The following THOC5 variants were observed in gnomAD, a reference collection of about 807,000 sequenced individuals.
THOC5 encodes the protein Fms-interacting protein.
A neutral mutation model predicts 92.9 loss-of-function variants in THOC5; 43 were observed. The ratio of observed to expected loss-of-function variants is 0.46; its 90% CI spans 0.36 to 0.60. THOC5 has a LOEUF of 0.60. THOC5 is among the 20% of genes least tolerant of loss of function. The pLI is 0.00. For synonymous variants in THOC5, 296 were observed against 320.1 expected (o/e 0.92, Z 0.80); for missense variants, 659 against 849.4 (o/e 0.78, Z 2.79).
chr22:29,544,531 A>G lies in THOC5; in HGVS notation c.169T>C (p.Tyr57His), dbSNP rs758098447. Residue 57 changes from tyrosine (Y) to histidine (H), a missense_variant, in exon 3 of 20, where the codon TAC becomes CAC. Physicochemically the swap from Tyr to His is moderately conservative, Grantham distance 83. Transcript: ENST00000490103. ...AGCCTCTGTAGCTCCTGGCAGGTGT[A>G]CTTGTATAACTCATAGTCTCTGCCA... ...DPGRDYELYK[Y>H]TCQELQRLMA... is the part of the protein sequence containing the mutation. 2.6e-5 allele frequency: 42 copies of G among 1,613,922 alleles called. No individual in the cohort carries two copies. The Middle Eastern group carries it at 4.9e-4, about 19-fold the overall frequency.
intron 13 of THOC5, among the ~76,000 whole-genome samples, chr22:29,520,480 G>GT (rs200955877): frequency 0.015 from 2,341 of 151,834 alleles, 69 homozygotes; most frequent in African/African-American, 0.054. Flanking sequence ...CTTCCAGAGG[G>GT]TTTTTTTTGT....
At chr22:29,517,998 A>G (rs2063365665) in intron 15 of THOC5, among the ~76,000 whole-genome samples, 1 of 152,170 alleles carries the variant, frequency 6.6e-6, no homozygotes, top group Non-Finnish European at 1.5e-5. Flanking sequence ...TGTGTCCTGG[A>G]AACCCAATGC....
rs2063223598 is a variant in THOC5, at chr22:29,511,570, C to T, written c.1798-274G>A. 3 of 484,176 alleles carry T rather than the reference C, an allele frequency of 6.2e-6. No individual in the cohort carries two copies. In the East Asian group the frequency reaches 9.8e-5, roughly 16 times the overall value. The allele number at this position is 484,176 out of a possible 1,614,324, so 30.0% of individuals were successfully genotyped here. ...GCAGGGAAGCAGTCTCAAAATAAGA[C>T]CTAAGTCAGAAGATGTTGGTTAAAA... On this transcript the variant is annotated intron_variant, in intron 18 of 19. Coordinates refer to ENST00000490103, the MANE Select transcript of THOC5 (RefSeq NM_003678.5).
intron 17 of THOC5, among the ~76,000 whole-genome samples, chr22:29,515,017 TTAAATTAAGG>T (rs567447422): frequency 6.7e-6 from 1 of 149,682 alleles, no homozygotes; most frequent in Non-Finnish European, 1.5e-5. Flanking sequence ...TAAAGTACTT[TTAAATTAAGG>T]TATATATATT....
intron 12 of THOC5, among the ~76,000 whole-genome samples, chr22:29,522,257 G>A (rs2063457300): frequency 6.6e-6 from 1 of 151,808 alleles, no homozygotes. Flanking sequence ...CTACTTGGGA[G>A]GCTGAGGCAG....
rs2063153021 is a variant in THOC5, at chr22:29,507,873, G to A, written c.*584C>T. The A allele has an allele frequency of 6.5e-6, 1 of 153,354 alleles. No individual in the cohort carries two copies. Among genetic ancestry groups the A allele is most frequent in the Non-Finnish European group, 1.5e-5 (1 of 68,948 alleles). 9.5% of individuals were successfully genotyped at this position (153,354 alleles called of 1,614,324 possible). Reference sequence around the variant, plus strand: ...CGGATTTTTCAACTGTGCAGGGCAGGGGGTGTTGGTGCCCCTAACCCCTGA... The same window carrying A: ...CGGATTTTTCAACTGTGCAGGGCAGAGGGTGTTGGTGCCCCTAACCCCTGA... On this transcript the variant is annotated 3_prime_UTR_variant, in exon 20 of 20. Transcript: ENST00000490103.
intron 7 of THOC5, 196 bp downstream of exon 7, chr22:29,536,428 T>C (rs1178131996): frequency 5.3e-6 from 3 of 568,626 alleles, no homozygotes; most frequent in Non-Finnish European, 9.4e-6. Context: ...TCAATGTGTG[T>C]ATATATTCCT....
At chr22:29,531,019 C>T (rs970879274) in intron 8 of THOC5, 1 of 1,020,094 alleles carries the variant, frequency 9.8e-7, no homozygotes, top group African/African-American at 1.7e-5. Flanking sequence ...TAGCATTCTA[C>T]AAGAACATCA....
At chr22:29,546,468 C>A (rs956629809) in intron 2 of THOC5, among the ~76,000 whole-genome samples, 2 of 151,934 alleles carry the variant, frequency 1.3e-5, no homozygotes, top group African/African-American at 4.8e-5. Flanking sequence ...TCGGTCTTGT[C>A]GCCCAGGCTG....
chr22:29,548,799 T>C (rs1569236805), intron 2 of THOC5, among the ~76,000 whole-genome samples: 1 of 152,116 alleles, frequency 6.6e-6, no homozygotes, highest in Non-Finnish European at 1.5e-5. Flanking sequence ...ACACATATCA[T>C]ACTGGAATAC....
chr22:29,527,982 G>C, intron 11 of THOC5, 96 bp downstream of exon 11: 3 of 1,115,532 alleles, frequency 2.7e-6, no homozygotes, highest in Non-Finnish European at 4.0e-6. Flanking sequence ...TCCTTTGTTG[G>C]GCAAATGGGT....
chr22:29,529,381 T>C (rs1418976320), intron 8 of THOC5, 142 bp from the exon 9 acceptor site: 1 of 790,310 alleles, frequency 1.3e-6, no homozygotes, highest in East Asian at 2.5e-5. Context: ...AAGTCCTTGC[T>C]CCAGATGAAG....
chr22:29,551,838 C>G (rs111366545), intron 1 of THOC5, among the ~76,000 whole-genome samples: 5 of 145,166 alleles, frequency 3.4e-5, no homozygotes, highest in East Asian at 4.4e-4. Context: ...GATGCCGAGC[C>G]GAAGCTGGAC....
intron 1 of THOC5, among the ~76,000 whole-genome samples, chr22:29,551,913 GTGCC>G (rs1235089157): frequency 1.3e-5 from 2 of 151,052 alleles, no homozygotes; most frequent in East Asian, 3.9e-4. Context: ...AGCCTGCCGA[GTGCC>G]TGCAATTGCA....
chr22:29,536,346 G>C (rs903386300), intron 7 of THOC5: 15 of 331,038 alleles, frequency 4.5e-5, no homozygotes, highest in African/African-American at 3.0e-4. Flanking sequence ...GGCCATGCAG[G>C]GGGTAAACTA....
rs1048689502 is a variant in THOC5 at position 29,511,364 on chromosome 22, T to C, written c.1798-68A>G. The stretch of plus-strand genomic sequence containing the variant: ...ATGTGGGGGACCACACTGGCCAGGC[T>C]TCCGTCCCTGGATGGGCCCGAGCGC... On this transcript the variant is annotated intron_variant, in intron 18 of 19. Transcript: ENST00000490103. The C allele has an allele frequency of 3.9e-6, 6 of 1,545,164 alleles. No homozygotes were observed. In the Admixed American group the frequency reaches 8.7e-5, roughly 22 times the overall value.
At chr22:29,529,122 C>G in intron 9 of THOC5, 40 bp downstream of exon 9, 2 of 1,602,552 alleles carry the variant, frequency 1.2e-6, no homozygotes, top group Non-Finnish European at 8.5e-7. Context: ...TGGATGGTGA[C>G]CTGGTGTCCC....
intron 2 of THOC5, among the ~76,000 whole-genome samples, chr22:29,547,672 C>A (rs2064051649): frequency 6.6e-6 from 1 of 152,136 alleles, no homozygotes; most frequent in South Asian, 2.1e-4. Context: ...CCATTATCAG[C>A]ATTTTTGTCA....
At chr22:29,524,479 G>A (rs1319684786) in intron 12 of THOC5, among the ~76,000 whole-genome samples, 2 of 152,180 alleles carry the variant, frequency 1.3e-5, no homozygotes, top group Admixed American at 6.5e-5. Flanking sequence ...ATGCAATAAA[G>A]CCAGGCTGCA....
Sources: allele counts gnomAD v4.1 joint callset (sites outside exome capture counted in the v4.1 genomes callset), GRCh38; gene constraint gnomAD v4.1.1; transcripts MANE v1.5; gene names NCBI Gene and HGNC (gene_info 2026-07-23, HGNC 2026-07-21).